TACC1: variants seen among roughly 807,000 people sequenced by gnomAD.
The protein encoded by TACC1 is transforming acidic coiled-coil-containing protein 1.
Under a neutral mutation model 84.4 loss-of-function variants are expected in TACC1, and 48 were observed. The observed-to-expected ratio is 0.57, with a 90% CI of 0.45 to 0.72. The LOEUF (loss-of-function observed/expected upper bound fraction) is 0.72. TACC1 is among the 30% of genes least tolerant of loss of function. The pLI, the probability that TACC1 is intolerant of heterozygous loss-of-function variation, is 0.00. For synonymous variants in TACC1, 372 were observed against 376.3 expected (o/e 0.99, Z 0.13); for missense variants, 920 against 973.0 (o/e 0.95, Z 0.72).
In TACC1 at chr8:38,827,220, A is replaced by G. The variant is rs1452304562; in HGVS notation, c.1505A>G (p.His502Arg). 8 of 1,614,170 alleles carry G rather than the reference A, an allele frequency of 5.0e-6. No homozygotes were observed. The highest frequency in any genetic ancestry group is 1.7e-5 in the Admixed American group (1 of 60,018). Reference sequence around the variant, plus strand: ...TCAGACATTTCTAATAGGGATGGCCATGCTACTGATGAGGAGAAACTGGCA... The same window carrying G: ...TCAGACATTTCTAATAGGGATGGCCGTGCTACTGATGAGGAGAAACTGGCA... ...QISDISNRDG[H>R]ATDEEKLAST... is the part of the protein sequence containing the mutation. The change falls in exon 5 of 13, where the codon CAT (histidine) becomes CGT (arginine). Residue 502 changes from histidine to arginine, a missense_variant. His to Arg is a conservative substitution (Grantham distance 29). Around this residue, in one of 2 missense-constraint regions of TACC1, gnomAD observed 762 missense variants for 747.3 expected, o/e 1.02. Transcript: ENST00000317827.
chr8:38,787,104 G>A, upstream of TACC1: 1 of 979,824 alleles, frequency 1.0e-6, no homozygotes, highest in Non-Finnish European at 1.2e-6. Flanking sequence ...TCCGGCGGGC[G>A]CGCGGCCGTC....
chr8:38,841,025 G>A (rs1334628028), intron 9 of TACC1, among the ~76,000 whole-genome samples: 1 of 152,016 alleles, frequency 6.6e-6, no homozygotes, highest in Non-Finnish European at 1.5e-5. Context: ...CTCCAGCCTG[G>A]GCAATGAGCA....
At position 38,848,620 on chromosome 8, in the gene TACC1, T is replaced by G. The variant is rs544002515; in HGVS notation, c.*597T>G. The G allele has an allele frequency of 6.5e-6, 1 of 152,682 alleles. No individual in the cohort carries two copies. The highest frequency in any genetic ancestry group is 1.5e-5 in the Non-Finnish European group (1 of 68,058). 9.5% of individuals were successfully genotyped at this position (152,682 alleles called of 1,614,324 possible). On this transcript the variant is annotated 3_prime_UTR_variant, in exon 13 of 13. Transcript: ENST00000317827. ...AGAACTGCTCTACAGAAGGACATAT[T>G]TCCTTGGATGTGAGACCCTATTTTG... is the stretch of plus-strand genomic sequence containing the variant.
chr8:38,816,212 A>G (rs776518706), intron 2 of TACC1, among the ~76,000 whole-genome samples: 2 of 152,156 alleles, frequency 1.3e-5, no homozygotes, highest in African/African-American at 2.4e-5. Context: ...ATAGATGTAA[A>G]TTTTAGAAAT....
intron 1 of TACC1, among the ~76,000 whole-genome samples, chr8:38,734,355 C>T (rs1805543639): frequency 6.6e-6 from 1 of 152,112 alleles, no homozygotes. Context: ...ACCACACCAG[C>T]TAATTTTTGT....
At chr8:38,779,351 C>T (rs1815482525) in intron 3 of TACC1, among the ~76,000 whole-genome samples, 1 of 152,174 alleles carries the variant, frequency 6.6e-6, no homozygotes, top group South Asian at 2.1e-4. Flanking sequence ...ACTTTGGTCA[C>T]CACACAGTCA....
chr8:38,819,904 A>G lies in TACC1; in HGVS notation c.660A>G (p.Pro220=), dbSNP rs1363431466. 1 of 1,614,164 alleles carries G rather than the reference A, an allele frequency of 6.2e-7. No homozygotes were observed. The highest frequency in any genetic ancestry group is 8.5e-7 in the Non-Finnish European group (1 of 1,180,040). The change falls in exon 3 of 13, where the codon CCA becomes CCG. Residue 220 remains proline (P), a synonymous_variant. Transcript: ENST00000317827. ...EADLKAGNSC[P]ELVPSRRSKL... Reference sequence around the variant, plus strand: ...ATCTAAAAGCTGGCAACTCCTGTCCAGAGCTTGTGCCCAGCAGAAGAAGCA... The same window carrying G: ...ATCTAAAAGCTGGCAACTCCTGTCCGGAGCTTGTGCCCAGCAGAAGAAGCA...
chr8:38,805,208 A>G lies in TACC1; in HGVS notation c.278-14314A>G, dbSNP rs549340104. Among the ~76,000 whole-genome samples the G allele has an allele frequency of 3.3e-5, 5 of 152,344 alleles. No homozygotes were observed. The South Asian group carries it at 1.0e-3, about 32-fold the overall frequency. Reference sequence around the variant, plus strand: ...GGCTTCCTAACCTCTCTCATAGCACATACCTTAGATGAATTATCTGCATTC... The same window carrying G: ...GGCTTCCTAACCTCTCTCATAGCACGTACCTTAGATGAATTATCTGCATTC... On this transcript the variant is annotated intron_variant, in intron 2 of 12. Transcript: ENST00000317827.
At chr8:38,818,451 C>A (rs939238174) in intron 2 of TACC1, among the ~76,000 whole-genome samples, 1 of 152,146 alleles carries the variant, frequency 6.6e-6, no homozygotes, top group African/African-American at 2.4e-5. Context: ...CTCATTCACA[C>A]CTTCCTAATA....
rs762810724 is a variant in TACC1, at chr8:38,819,508, G to A, written c.278-14G>A. On this transcript the variant is annotated splice_polypyrimidine_tract_variant and intron_variant, in intron 2 of 12. Transcript: ENST00000317827. ...GATAATTCTTTAATAGATGGTTTTT[G>A]TGTTTCATTTTAGAATCACAAGAAG... 8 of 1,589,560 alleles carry A rather than the reference G, an allele frequency of 5.0e-6. No homozygotes were observed. In the Admixed American group the frequency reaches 8.9e-5, roughly 18 times the overall value.
At chr8:38,822,150 C>T (rs1467594343) in intron 3 of TACC1, among the ~76,000 whole-genome samples, 1 of 149,356 alleles carries the variant, frequency 6.7e-6, no homozygotes, top group African/African-American at 2.5e-5. Flanking sequence ...GAGGTTGAGG[C>T]AGGAGGATTG....
chr8:38,778,553 A>G (rs986428387), intron 3 of TACC1, among the ~76,000 whole-genome samples: 2 of 152,178 alleles, frequency 1.3e-5, no homozygotes, highest in African/African-American at 4.8e-5. Context: ...TGAATTTACT[A>G]TGAAGCTGAG....
At chr8:38,811,021 G>C (rs1823984539) in intron 2 of TACC1, among the ~76,000 whole-genome samples, 1 of 152,092 alleles carries the variant, frequency 6.6e-6, no homozygotes, top group Non-Finnish European at 1.5e-5. Flanking sequence ...GGGAGGCTGA[G>C]GAGGGAGGAA....
intron 2 of TACC1, among the ~76,000 whole-genome samples, chr8:38,810,510 AG>A (rs1823836544): frequency 6.6e-6 from 1 of 152,090 alleles, no homozygotes; most frequent in African/African-American, 2.4e-5. Context: ...AGGGTGAGGC[AG>A]GAGGATTGTC....
chr8:38,786,809 A>G (rs1208977456), upstream of TACC1, among the ~76,000 whole-genome samples: 1 of 143,788 alleles, frequency 7.0e-6, no homozygotes, highest in East Asian at 2.0e-4. Flanking sequence ...AACAGTCCAC[A>G]GCGGCCGCGA....
At position 38,787,327 on chromosome 8, in the gene TACC1, C is replaced by G. The variant is rs951128100; in HGVS notation, c.-256C>G. 2.4e-6 allele frequency: 3 copies of G among 1,260,564 alleles called. No homozygotes were observed. The highest frequency in any genetic ancestry group is 1.6e-5 in the African/African-American group (1 of 63,502). 78.1% of individuals were successfully genotyped at this position (1,260,564 alleles called of 1,614,324 possible). ...AGGAGGCCACAGGACGGGCGTCTTC[C>G]CGGCTAGTGGAGCCCGGCGCGGGGC... is the stretch of plus-strand genomic sequence containing the variant. On this transcript the variant is annotated 5_prime_UTR_variant, in exon 1 of 13. Coordinates refer to ENST00000317827, the MANE Select transcript of TACC1 (RefSeq NM_006283.3).
intron 3 of TACC1, among the ~76,000 whole-genome samples, chr8:38,749,620 C>T (rs904871537): frequency 6.6e-6 from 1 of 151,896 alleles, no homozygotes; most frequent in Non-Finnish European, 1.5e-5. Context: ...GAGATGGAGT[C>T]TCAGTCTGTC....
intron 1 of TACC1, among the ~76,000 whole-genome samples, chr8:38,733,025 G>A (rs113521214): frequency 0.012 from 1,767 of 152,292 alleles, 16 homozygotes; most frequent in South Asian, 0.026. Flanking sequence ...CCGGACAGGA[G>A]ATGCACGGCA....
intron 2 of TACC1, among the ~76,000 whole-genome samples, chr8:38,816,744 C>T (rs528584963): frequency 3.9e-5 from 6 of 152,288 alleles, no homozygotes; most frequent in African/African-American, 1.4e-4. Flanking sequence ...ACCACCCTCC[C>T]AGTAAGTCAA....
Sources: allele counts gnomAD v4.1 joint callset (sites outside exome capture counted in the v4.1 genomes callset), GRCh38; gene constraint gnomAD v4.1.1; regional missense constraint gnomAD v4.1.1; transcripts MANE v1.5; gene names NCBI Gene and HGNC (gene_info 2026-07-23, HGNC 2026-07-21).